Variants in CCDC50 observed in about 807,000 individuals in gnomAD.
CCDC50 encodes coiled-coil domain containing 50, also known as coiled-coil domain-containing protein 50.
A neutral mutation model predicts 70.2 loss-of-function variants in CCDC50; 54 were observed. The ratio of observed to expected loss-of-function variants is 0.77; its 90% CI spans 0.62 to 0.96. The LOEUF (loss-of-function observed/expected upper bound fraction) is 0.96. Among genes scored for constraint, CCDC50 ranks in the 50% least tolerant of loss-of-function variants. The pLI, the probability that CCDC50 is intolerant of heterozygous loss-of-function variation, is 0.00. For synonymous variants in CCDC50, 216 were observed against 198.8 expected, an observed-to-expected ratio of 1.09 and a Z score of -0.73; for missense variants, 558 against 578.7, an observed-to-expected ratio of 0.96 and a Z score of 0.37.
chr3:191,339,633 A>G (rs1711654737), intron 1 of CCDC50, among the ~76,000 whole-genome samples: 2 of 152,222 alleles, frequency 1.3e-5, no homozygotes, highest in East Asian at 1.9e-4. Flanking sequence ...GTGATCTTCA[A>G]GAAGCTTTCT....
chr3:191,359,432 CA>C (rs1189133813), intron 3 of CCDC50, among the ~76,000 whole-genome samples: 1 of 152,126 alleles, frequency 6.6e-6, no homozygotes, highest in Non-Finnish European at 1.5e-5. Context: ...TCAAAAGGGT[CA>C]CGATAAGTTA....
rs189338515 is a variant in CCDC50, at chr3:191,350,614, G to T, written c.50-6474G>T. ...CTTTTTAGTTTATGTAGAATTAGTT[G>T]GGAAAGCACTGGGAATGTGCACATT... is the stretch of plus-strand genomic sequence containing the variant. On this transcript the variant is annotated intron_variant, in intron 1 of 11. Coordinates refer to ENST00000392455, the MANE Select transcript of CCDC50 (RefSeq NM_178335.3). 2.0e-4 allele frequency among the ~76,000 whole-genome samples: 28 copies of T among 141,102 alleles called. 6 individuals carry two copies. The highest frequency in any genetic ancestry group is 1.7e-3 in the Admixed American group (23 of 13,718). 92.6% of individuals were successfully genotyped at this position (141,102 alleles called of 152,430 possible). A position where few individuals can be genotyped will look rare whatever the true frequency, so the allele number is the denominator to read the frequency against.
intron 1 of CCDC50, among the ~76,000 whole-genome samples, chr3:191,350,047 A>G (rs1712055677): frequency 8.1e-6 from 1 of 123,486 alleles, no homozygotes; most frequent in South Asian, 2.7e-4. Context: ...TTTCCAGTTC[A>G]TTTGTTTTAT....
At chr3:191,391,682 C>G in intron 11 of CCDC50, 59 bp from the exon 12 acceptor site, 1 of 1,477,756 alleles carries the variant, frequency 6.8e-7, no homozygotes, top group East Asian at 2.3e-5. Context: ...GGAGAAAAAG[C>G]TGTTTGAGTT....
chr3:191,364,815 C>T (rs763001397), intron 4 of CCDC50, among the ~76,000 whole-genome samples: 1 of 151,988 alleles, frequency 6.6e-6, no homozygotes, highest in African/African-American at 2.4e-5. Context: ...GAGAACTCCT[C>T]ACCTTCCCTC....
At chr3:191,387,770 T>G (rs1713548005) in intron 10 of CCDC50, among the ~76,000 whole-genome samples, 1 of 152,186 alleles carries the variant, frequency 6.6e-6, no homozygotes, top group South Asian at 2.1e-4. Context: ...GATGAGTTGA[T>G]GGTGAGGCAC....
At chr3:191,373,726 T>C (rs1426101092) in intron 5 of CCDC50, among the ~76,000 whole-genome samples, 1 of 152,126 alleles carries the variant, frequency 6.6e-6, no homozygotes, top group East Asian at 1.9e-4. Flanking sequence ...AAAATAAAAC[T>C]TACCCATAAA....
At chr3:191,378,690 A>T (rs1042838190) in intron 6 of CCDC50, among the ~76,000 whole-genome samples, 1 of 151,192 alleles carries the variant, frequency 6.6e-6, no homozygotes, top group Non-Finnish European at 1.5e-5. Flanking sequence ...AGGGAGATTT[A>T]TATTCTATTT....
intron 11 of CCDC50, among the ~76,000 whole-genome samples, chr3:191,390,321 TAAAG>T (rs1713647363): frequency 6.9e-6 from 1 of 144,946 alleles, no homozygotes; most frequent in African/African-American, 2.5e-5. Flanking sequence ...GAACAAAGCA[TAAAG>T]AAAAAATAGG....
chr3:191,336,523 T>G (rs951535644), intron 1 of CCDC50, among the ~76,000 whole-genome samples: 2 of 152,186 alleles, frequency 1.3e-5, no homozygotes, highest in Admixed American at 1.3e-4. Flanking sequence ...ACTATTTTCT[T>G]ATTATTGAAT....
chr3:191,395,242 C>A lies in CCDC50; in HGVS notation c.*3482C>A, dbSNP rs1036449958. The A allele has an allele frequency of 5.9e-5, 9 of 152,084 alleles. No individual in the cohort carries two copies. The highest frequency in any genetic ancestry group is 2.2e-4 in the African/African-American group (9 of 41,432). The allele number at this position is 152,084 out of a possible 1,614,324, so 9.4% of individuals were successfully genotyped here. ...AGCTGAGCTAGATGATGAGTAAATT[C>A]TTTGCTGACTGTTGCTCATCACTTT... On this transcript the variant is annotated 3_prime_UTR_variant, in exon 12 of 12. Transcript: ENST00000392455.
At chr3:191,382,942 G>T (rs1453997223) in intron 10 of CCDC50, 117 bp downstream of exon 10, 3 of 733,654 alleles carry the variant, frequency 4.1e-6, no homozygotes, top group Non-Finnish European at 7.3e-6. Flanking sequence ...ATCTGCATTT[G>T]TAAGGTAGTG....
intron 10 of CCDC50, among the ~76,000 whole-genome samples, chr3:191,384,172 T>C (rs548615629): frequency 6.6e-6 from 1 of 151,906 alleles, no homozygotes; most frequent in African/African-American, 2.4e-5. Flanking sequence ...TGATCCTGTA[T>C]TAAAAATGGC....
intron 1 of CCDC50, among the ~76,000 whole-genome samples, chr3:191,331,034 A>T (rs1157087035): frequency 6.6e-6 from 1 of 152,218 alleles, no homozygotes; most frequent in Non-Finnish European, 1.5e-5. Context: ...TCTGCTGTCA[A>T]GACTAAGGAG....
At chr3:191,370,848 G>A (rs927110635) in intron 5 of CCDC50, among the ~76,000 whole-genome samples, 4 of 152,098 alleles carry the variant, frequency 2.6e-5, no homozygotes, top group African/African-American at 9.7e-5. Flanking sequence ...ATTTGAATAT[G>A]ATTTTATGAG....
In CCDC50 at chr3:191,340,731, A is replaced by G. The variant is rs931106966; in HGVS notation, c.49+11008A>G. Among the ~76,000 whole-genome samples the G allele has an allele frequency of 6.6e-5, 10 of 152,242 alleles. No individual in the cohort carries two copies. The East Asian group carries it at 1.5e-3, about 23-fold the overall frequency. ...CTCAGGCCTACAATGTGTATAGGAA[A>G]CATATTCTCCCTCAGGCGGACATAT... On this transcript the variant is annotated intron_variant, in intron 1 of 11. Coordinates refer to ENST00000392455, the MANE Select transcript of CCDC50 (RefSeq NM_178335.3).
Position 191,385,423 on chromosome 3 carries a change from A to T in CCDC50, c.1322+2598A>T, listed in dbSNP as rs139124454. Among the ~76,000 whole-genome samples the T allele has an allele frequency of 6.7e-4, 102 of 152,012 alleles. No individual in the cohort carries two copies. The East Asian group carries it at 0.013, about 19-fold the overall frequency. Reference sequence around the variant, plus strand: ...TCTCTGATAATTAGTTATGTTGAGCATTTTTCATGTTTTTTGGCTGCTTGT... The same window carrying T: ...TCTCTGATAATTAGTTATGTTGAGCTTTTTTCATGTTTTTTGGCTGCTTGT... On this transcript the variant is annotated intron_variant, in intron 10 of 11. Coordinates refer to ENST00000392455, the MANE Select transcript of CCDC50 (RefSeq NM_178335.3).
chr3:191,370,162 A>T (rs748407107), intron 5 of CCDC50, 126 bp downstream of exon 5: 7 of 725,042 alleles, frequency 9.7e-6, no homozygotes, highest in Non-Finnish European at 1.8e-5. Flanking sequence ...CACTGGGTAC[A>T]TTTAGATGTG....
At position 191,375,565 on chromosome 3, in the gene CCDC50, G is replaced by GAGC. The variant is rs1385474548; in HGVS notation, c.956_958dup (p.Gln319dup). On this transcript the variant is annotated inframe_insertion, in exon 6 of 12. Transcript: ENST00000392455. ...GACTCCTCCATTCTCAGAGAGTGAG[G>GAGC]AGCAGCTCCACCTCCATGACGCAGG... 1 of 1,613,184 alleles carries GAGC rather than the reference G, an allele frequency of 6.2e-7. No homozygotes were observed. Among genetic ancestry groups the GAGC allele is most frequent in the South Asian group, 1.1e-5 (1 of 90,976 alleles).
Sources: gnomAD v4.1 joint callset for allele counts (sites outside exome capture counted in the v4.1 genomes callset) on GRCh38, gnomAD v4.1.1 for gene constraint, MANE v1.5 for transcripts, NCBI Gene and HGNC (gene_info 2026-07-23, HGNC 2026-07-21) for gene names.